MCEMP1: variants seen among roughly 807,000 people sequenced by gnomAD.
The protein encoded by MCEMP1 is mast cell expressed membrane protein 1, also known as mast cell-expressed membrane protein 1.
Under a neutral mutation model 27.9 loss-of-function variants are expected in MCEMP1, and 17 were observed. The ratio of observed to expected loss-of-function variants is 0.61; its 90% confidence interval spans 0.42 to 0.91. The LOEUF is 0.91. Ranked by LOEUF, MCEMP1 falls within the 40% of genes least tolerant of loss-of-function variation. The probability of loss-of-function intolerance (pLI) is 0.00; values close to 1 mark genes in which losing one functional copy is unlikely to be tolerated. For missense variants in MCEMP1, 200 were observed against 204.8 expected (o/e 0.98, Z 0.14); for synonymous variants, 88 against 76.9 (o/e 1.14, Z -0.76).
chr19:7,679,374 G>T lies in MCEMP1; in HGVS notation c.*260G>T, dbSNP rs948432854. ...TGCGCGTGTGTGTGCATTTTGCAAA[G>T]GGTGGACATTTCAGTGTATCTCCCA... On this transcript the variant is annotated 3_prime_UTR_variant, in exon 7 of 7. Coordinates refer to ENST00000333598, the MANE Select transcript of MCEMP1 (RefSeq NM_174918.3). The surrounding 1 kb of genome is among the most constrained non-coding windows in gnomAD (Gnocchi z 4.9). 1.2e-5 allele frequency: 6 copies of T among 501,976 alleles called. No homozygotes were observed. The highest frequency in any genetic ancestry group is 1.2e-4 in the African/African-American group (6 of 50,766). The allele number at this position is 501,976 out of a possible 1,614,324, so 31.1% of individuals were successfully genotyped here.
Position 7,679,173 on chromosome 19 carries a change from A to G in MCEMP1, c.*59A>G. On this transcript the variant is annotated 3_prime_UTR_variant, in exon 7 of 7. Coordinates refer to ENST00000333598, the MANE Select transcript of MCEMP1 (RefSeq NM_174918.3). The surrounding 1 kb of genome is among the most constrained non-coding windows in gnomAD (Gnocchi z 4.9). ...TTGGAAGATGGGGCTGCACCTGCCA[A>G]CGAAGACGGGAAATGACCCCCCCCC... The G allele has an allele frequency of 6.8e-7, 1 of 1,470,650 alleles. No individual in the cohort carries two copies. Among genetic ancestry groups the G allele is most frequent in the Non-Finnish European group, 9.0e-7 (1 of 1,105,572 alleles). 91.1% of individuals were successfully genotyped at this position (1,470,650 alleles called of 1,614,324 possible).
At position 7,677,340 on chromosome 19, in the gene MCEMP1, G is replaced by A. The variant is rs1397297115; in HGVS notation, c.55+165G>A. Among the ~76,000 whole-genome samples the A allele has an allele frequency of 2.0e-5, 3 of 150,678 alleles. No homozygotes were observed. Among genetic ancestry groups the A allele is most frequent in the Non-Finnish European group, 1.5e-5 (1 of 67,684 alleles). ...TGGGCAACATAGGGAGACTCTGTCT[G>A]TAAAAAATAAAAATAAAAAAAGAAG... On this transcript the variant is annotated intron_variant, in intron 1 of 6. Transcript: ENST00000333598. This position sits in a 1 kb window ranked among gnomAD's most constrained non-coding sequence, Gnocchi z 4.6.
chr19:7,677,209 G>C lies in MCEMP1; in HGVS notation c.55+34G>C. The C allele has an allele frequency of 1.5e-5, 23 of 1,541,798 alleles. No individual in the cohort carries two copies. Among genetic ancestry groups the C allele is most frequent in the Non-Finnish European group, 1.9e-5 (22 of 1,135,694 alleles). On this transcript the variant is annotated intron_variant, in intron 1 of 6. Transcript: ENST00000333598. The surrounding 1 kb of genome is among the most constrained non-coding windows in gnomAD (Gnocchi z 4.6). ...ACTCGAGGTGGAAGGGAGGGGTTAA[G>C]AAGGAGAGATTGGGGGGCCGGGGGC...
Position 7,679,000 on chromosome 19 carries a change from A to G in MCEMP1, c.508+17A>G, listed in dbSNP as rs200044420. On this transcript the variant is annotated intron_variant, in intron 6 of 6. Coordinates refer to ENST00000333598, the MANE Select transcript of MCEMP1 (RefSeq NM_174918.3). The surrounding 1 kb of genome is among the most constrained non-coding windows in gnomAD (Gnocchi z 4.8). ...AAATGCCACGTAAGTTGGCGCCCCG[A>G]CAGGAGGTGGAGGAGGGTGGGTGGG... The G allele has an allele frequency of 1.9e-4, 288 of 1,555,724 alleles. 3 individuals carry two copies. Among genetic ancestry groups the G allele is most frequent in the Middle Eastern group, 1.0e-3 (6 of 5,804 alleles).
In MCEMP1 at chr19:7,679,062, G is replaced by A; in HGVS notation, c.509-36G>A. 1.2e-6 allele frequency: 2 copies of A among 1,607,928 alleles called. No homozygotes were observed. The highest frequency in any genetic ancestry group is 1.7e-6 in the Non-Finnish European group (2 of 1,176,910). ...AGCCCCAGCTCCTCTCCCAGGGGCG[G>A]GATCTGCCTCACTGTGGGTCTCTCC... On this transcript the variant is annotated intron_variant, in intron 6 of 6. Transcript: ENST00000333598. This position sits in a 1 kb window ranked among gnomAD's most constrained non-coding sequence, Gnocchi z 4.9.
chr19:7,678,919 C>G lies in MCEMP1; in HGVS notation c.449-5C>G, dbSNP rs1243451217. ...TGTTCCCACCCAACCCTCCCCGCCC[C>G]CTAGGCATAAAAAACATTGACACAA... On this transcript the variant is annotated splice_polypyrimidine_tract_variant and splice_region_variant and intron_variant, in intron 5 of 6. Transcript: ENST00000333598. The surrounding 1 kb of genome is among the most constrained non-coding windows in gnomAD (Gnocchi z 4.8). The G allele has an allele frequency of 3.2e-6, 5 of 1,557,706 alleles. No homozygotes were observed. Among genetic ancestry groups the G allele is most frequent in the Middle Eastern group, 1.9e-4 (1 of 5,168 alleles).
chr19:7,677,608 G>A lies in MCEMP1; in HGVS notation c.56-29G>A. ...CCGGATCCACTCTCCACACCACAGA[G>A]CTCTGAGCAGATCTCCAACCCCTCC... On this transcript the variant is annotated intron_variant, in intron 1 of 6. Coordinates refer to ENST00000333598, the MANE Select transcript of MCEMP1 (RefSeq NM_174918.3). The surrounding 1 kb of genome is among the most constrained non-coding windows in gnomAD (Gnocchi z 4.6). 6 of 1,575,590 alleles carry A rather than the reference G, an allele frequency of 3.8e-6. No homozygotes were observed. Among genetic ancestry groups the A allele is most frequent in the Non-Finnish European group, 5.2e-6 (6 of 1,144,944 alleles).
rs2032565150 is a variant in MCEMP1, at chr19:7,677,433, G to A, written c.56-204G>A. 6.9e-6 allele frequency among the ~76,000 whole-genome samples: 1 copy of A among 144,930 alleles called. No individual in the cohort carries two copies. Among genetic ancestry groups the A allele is most frequent in the African/African-American group, 2.6e-5 (1 of 38,678 alleles). ...GGGGGCTCCTTCCCCTCCAAGATGT[G>A]TGGATGTGTGTGTGGATGTGTGTGT... On this transcript the variant is annotated intron_variant, in intron 1 of 6. Coordinates refer to ENST00000333598, the MANE Select transcript of MCEMP1 (RefSeq NM_174918.3). This position sits in a 1 kb window ranked among gnomAD's most constrained non-coding sequence, Gnocchi z 4.6.
At position 7,677,565 on chromosome 19, in the gene MCEMP1, G is replaced by T. The variant is rs1034052152; in HGVS notation, c.56-72G>T. ...CCCTACAATTTATTGAGTGCAAAGG[G>T]TTGGGTAAAACAAGATCCCGGATCC... On this transcript the variant is annotated intron_variant, in intron 1 of 6. Transcript: ENST00000333598. This position sits in a 1 kb window ranked among gnomAD's most constrained non-coding sequence, Gnocchi z 4.6. 4.3e-6 allele frequency: 6 copies of T among 1,393,564 alleles called. No homozygotes were observed. The African/African-American group carries it at 7.1e-5, about 17-fold the overall frequency. The allele number at this position is 1,393,564 out of a possible 1,614,324, so 86.3% of individuals were successfully genotyped here.
rs776433555 is a variant in MCEMP1 at position 7,678,111 on chromosome 19, C to T, written c.153C>T (p.Ala51=). ...GCTGCCTCTTTGCTCCAGTCCCAGC[C>T]CAGTGCAGGCCGCCCTCAGACTCCA... ...GHSRPTSQVP[A]QCRPPSDSTQ... Residue 51 remains alanine, a synonymous_variant, in exon 3 of 7, where the codon GCC becomes GCT. Transcript: ENST00000333598. The surrounding 1 kb of genome is among the most constrained non-coding windows in gnomAD (Gnocchi z 4.8). The T allele has an allele frequency of 1.2e-5, 20 of 1,603,354 alleles. No homozygotes were observed. The highest frequency in any genetic ancestry group is 1.7e-5 in the Non-Finnish European group (20 of 1,175,350).
At position 7,678,878 on chromosome 19, in the gene MCEMP1, C is replaced by T. The variant is rs773124777; in HGVS notation, c.449-46C>T. 1.3e-5 allele frequency: 20 copies of T among 1,505,968 alleles called. No homozygotes were observed. Among genetic ancestry groups the T allele is most frequent in the South Asian group, 7.3e-5 (6 of 81,818 alleles). 93.3% of individuals were successfully genotyped at this position (1,505,968 alleles called of 1,614,324 possible). A position where few individuals can be genotyped will look rare whatever the true frequency, so the allele number is the denominator to read the frequency against. On this transcript the variant is annotated intron_variant, in intron 5 of 6. Transcript: ENST00000333598. The surrounding 1 kb of genome is among the most constrained non-coding windows in gnomAD (Gnocchi z 4.8). ...GTGGGGGCTTTGTTTGAGGCTCCAC[C>T]GCAGCTTGACTTATCTGTTCCCACC...
chr19:7,679,088 C>G lies in MCEMP1; in HGVS notation c.509-10C>G. On this transcript the variant is annotated splice_polypyrimidine_tract_variant and intron_variant, in intron 6 of 6. Transcript: ENST00000333598. This position sits in a 1 kb window ranked among gnomAD's most constrained non-coding sequence, Gnocchi z 4.9. ...GATCTGCCTCACTGTGGGTCTCTCC[C>G]CATCCCCAGAGTCCTCACCTCAATA... 1 of 1,607,514 alleles carries G rather than the reference C, an allele frequency of 6.2e-7. No individual in the cohort carries two copies. Among genetic ancestry groups the G allele is most frequent in the Non-Finnish European group, 8.5e-7 (1 of 1,176,636 alleles).
rs1339864347 is a variant in MCEMP1, at chr19:7,678,300, C to A, written c.284-50C>A. 6.2e-7 allele frequency: 1 copy of A among 1,613,392 alleles called. No individual in the cohort carries two copies. Among genetic ancestry groups the A allele is most frequent in the Non-Finnish European group, 8.5e-7 (1 of 1,179,562 alleles). ...CCTAGACTTTCTCCCTTGTCCTTCT[C>A]TCTCTCTCTCCCTGGGTGCTTCAAG... On this transcript the variant is annotated intron_variant, in intron 3 of 6. Coordinates refer to ENST00000333598, the MANE Select transcript of MCEMP1 (RefSeq NM_174918.3). The surrounding 1 kb of genome is among the most constrained non-coding windows in gnomAD (Gnocchi z 4.8).
Position 7,677,657 on chromosome 19 carries a change from G to A in MCEMP1, c.76G>A (p.Glu26Lys). ...CCCAGGTGCCCATGACCCAGACTAT[G>A]AGAATATCACCTTGGCCTTCAAAAA... The part of the protein sequence containing the change: ...KNQGAHDPDY[E>K]NITLAFKNQD... The change falls in exon 2 of 7, where the codon GAG (glutamate) becomes AAG (lysine). Residue 26 changes from glutamate (E) to lysine (K), a missense_variant. Coordinates refer to ENST00000333598, the MANE Select transcript of MCEMP1 (RefSeq NM_174918.3). The surrounding 1 kb of genome is among the most constrained non-coding windows in gnomAD (Gnocchi z 4.6). The A allele has an allele frequency of 6.2e-7, 1 of 1,614,068 alleles. No individual in the cohort carries two copies. Among genetic ancestry groups the A allele is most frequent in the South Asian group, 1.1e-5 (1 of 91,068 alleles).
Position 7,678,037 on chromosome 19 carries a change from G to A in MCEMP1, c.146-67G>A. ...GGAGCGAGGTGTCCATGGTGTTAGAGACAGTGAGGATGGTTTGAGTGGTGG... is the reference window on the plus strand; with the variant it reads ...GGAGCGAGGTGTCCATGGTGTTAGAAACAGTGAGGATGGTTTGAGTGGTGG... On this transcript the variant is annotated intron_variant, in intron 2 of 6. Transcript: ENST00000333598. This position sits in a 1 kb window ranked among gnomAD's most constrained non-coding sequence, Gnocchi z 4.8. The A allele has an allele frequency of 6.5e-7, 1 of 1,528,596 alleles. No individual in the cohort carries two copies. The highest frequency in any genetic ancestry group is 8.8e-7 in the Non-Finnish European group (1 of 1,140,962). 94.7% of individuals were successfully genotyped at this position (1,528,596 alleles called of 1,614,324 possible).
In MCEMP1 at chr19:7,679,331, T is replaced by C. The variant is rs1568481551; in HGVS notation, c.*217T>C. On this transcript the variant is annotated 3_prime_UTR_variant, in exon 7 of 7. Coordinates refer to ENST00000333598, the MANE Select transcript of MCEMP1 (RefSeq NM_174918.3). The surrounding 1 kb of genome is among the most constrained non-coding windows in gnomAD (Gnocchi z 4.9). ...GTGTGCGTGTGTGCGCGTGTGTTCGTGTATGTGCGTGTGTGCGTGCGCGTG... is the reference window on the plus strand; with the variant it reads ...GTGTGCGTGTGTGCGCGTGTGTTCGCGTATGTGCGTGTGTGCGTGCGCGTG... 2 of 603,656 alleles carry C rather than the reference T, an allele frequency of 3.3e-6. No individual in the cohort carries two copies. Among genetic ancestry groups the C allele is most frequent in the East Asian group, 2.9e-5 (1 of 34,738 alleles). The allele number at this position is 603,656 out of a possible 1,614,324, so 37.4% of individuals were successfully genotyped here. A position where few individuals can be genotyped will look rare whatever the true frequency, so the allele number is the denominator to read the frequency against.
At position 7,678,897 on chromosome 19, in the gene MCEMP1, T is replaced by TGCCCCCCC; in HGVS notation, c.449-27_449-26insGCCCCCCC. 2 of 993,954 alleles carry TGCCCCCCC rather than the reference T, an allele frequency of 2.0e-6. No individual in the cohort carries two copies. The highest frequency in any genetic ancestry group is 1.4e-5 in the South Asian group (1 of 73,322). The allele number at this position is 993,954 out of a possible 1,614,324, so 61.6% of individuals were successfully genotyped here. A position where few individuals can be genotyped will look rare whatever the true frequency, so the allele number is the denominator to read the frequency against. On this transcript the variant is annotated intron_variant, in intron 5 of 6. Coordinates refer to ENST00000333598, the MANE Select transcript of MCEMP1 (RefSeq NM_174918.3). This position sits in a 1 kb window ranked among gnomAD's most constrained non-coding sequence, Gnocchi z 4.8. ...CTCCACCGCAGCTTGACTTATCTGT[T>TGCCCCCCC]CCCACCCAACCCTCCCCGCCCCCTA...
Position 7,677,226 on chromosome 19 carries a change from GC to G in MCEMP1, c.55+53del, listed in dbSNP as rs1568480644. ...GGGGTTAAGAAGGAGAGATTGGGGGGCCGGGGGCTTTTGCTCATGTCTGTAA... is the reference window on the plus strand; with the variant it reads ...GGGGTTAAGAAGGAGAGATTGGGGGGCGGGGGCTTTTGCTCATGTCTGTAA... On this transcript the variant is annotated intron_variant, in intron 1 of 6. Coordinates refer to ENST00000333598, the MANE Select transcript of MCEMP1 (RefSeq NM_174918.3). This position sits in a 1 kb window ranked among gnomAD's most constrained non-coding sequence, Gnocchi z 4.6. The G allele has an allele frequency of 1.3e-6, 2 of 1,492,086 alleles. No homozygotes were observed. Among genetic ancestry groups the G allele is most frequent in the East Asian group, 4.9e-5 (2 of 40,664 alleles). 92.4% of individuals were successfully genotyped at this position (1,492,086 alleles called of 1,614,324 possible).
At position 7,679,297 on chromosome 19, in the gene MCEMP1, C is replaced by A; in HGVS notation, c.*183C>A. 1.4e-6 allele frequency: 1 copy of A among 722,184 alleles called. No homozygotes were observed. Among genetic ancestry groups the A allele is most frequent in the Non-Finnish European group, 2.3e-6 (1 of 442,442 alleles). The allele number at this position is 722,184 out of a possible 1,614,324, so 44.7% of individuals were successfully genotyped here. On this transcript the variant is annotated 3_prime_UTR_variant, in exon 7 of 7. Transcript: ENST00000333598. This position sits in a 1 kb window ranked among gnomAD's most constrained non-coding sequence, Gnocchi z 4.9. ...AGTTGCTCGTGTGTGTGTACACCTG[C>A]GTGCGTGTGTGTGCGTGTGTGCGCG...
Sources: gnomAD v4.1 joint callset for allele counts (sites outside exome capture counted in the v4.1 genomes callset) on GRCh38, gnomAD v4.1.1 for gene constraint, Gnocchi (gnomAD v3.1) non-coding constraint, MANE v1.5 for transcripts, NCBI Gene and HGNC (gene_info 2026-07-23, HGNC 2026-07-21) for gene names.